The following ZFAND3 variants were observed in gnomAD, a reference collection of about 807,000 sequenced individuals.
ZFAND3 encodes the protein zinc finger AN1-type containing 3, also known as AN1-type zinc finger protein 3.
Under a neutral mutation model 29.6 loss-of-function variants are expected in ZFAND3, and 10 were observed. The ratio of observed to expected loss-of-function variants is 0.34; its 90% CI spans 0.21 to 0.57. The LOEUF (loss-of-function observed/expected upper bound fraction) is 0.57, where lower values mean the gene tolerates loss of function less well. Ranked by LOEUF, ZFAND3 falls within the 20% of genes least tolerant of loss-of-function variation. The probability of loss-of-function intolerance (pLI) is 0.86; values close to 1 mark genes in which losing one functional copy is unlikely to be tolerated. For synonymous variants in ZFAND3, 128 were observed against 112.6 expected, an observed-to-expected ratio of 1.14 and a Z score of -0.87; for missense variants, 230 against 304.5, an observed-to-expected ratio of 0.76 and a Z score of 1.82.
intron 2 of ZFAND3, among the ~76,000 whole-genome samples, chr6:37,942,081 G>A: frequency 6.6e-6 from 1 of 152,052 alleles, no homozygotes; most frequent in Admixed American, 6.6e-5. Context: ...CAAACTGAAT[G>A]TAATGGGCTG....
chr6:38,055,858 C>T (rs1184205985), intron 2 of ZFAND3, among the ~76,000 whole-genome samples: 1 of 152,190 alleles, frequency 6.6e-6, no homozygotes, highest in Non-Finnish European at 1.5e-5. Context: ...TTGATAAATA[C>T]TTTTAAATGT....
chr6:38,074,076 C>T (rs953237710), intron 3 of ZFAND3, among the ~76,000 whole-genome samples: 1 of 152,078 alleles, frequency 6.6e-6, no homozygotes, highest in African/African-American at 2.4e-5. Context: ...TTATATTAAC[C>T]TTTAGGTTCA....
At position 38,096,611 on chromosome 6, in the gene ZFAND3, CTT is replaced by C. The variant is rs1333598547; in HGVS notation, c.361+14157_361+14158del. ...GATGCCCTTCTTCAGCGCTGGAACTCTTTTATTTTCCCCTATCAACTTTGTGG... is the reference window on the plus strand; with the variant it reads ...GATGCCCTTCTTCAGCGCTGGAACTCTTATTTTCCCCTATCAACTTTGTGG... On this transcript the variant is annotated intron_variant, in intron 4 of 5. Coordinates refer to ENST00000287218, the MANE Select transcript of ZFAND3 (RefSeq NM_021943.3). Among the ~76,000 whole-genome samples the C allele has an allele frequency of 3.9e-5, 6 of 152,284 alleles. No homozygotes were observed. The South Asian group carries it at 6.2e-4, about 16-fold the overall frequency.
chr6:37,924,387 GT>G (rs1226064665), intron 1 of ZFAND3, among the ~76,000 whole-genome samples: 1 of 150,608 alleles, frequency 6.6e-6, no homozygotes, highest in African/African-American at 2.4e-5. Context: ...CATTTATTGG[GT>G]ACCTGTTAAA....
Position 37,958,218 on chromosome 6 carries a change from C to A in ZFAND3, c.112+28219C>A, listed in dbSNP as rs974885496. On this transcript the variant is annotated intron_variant, in intron 2 of 5. Coordinates refer to ENST00000287218, the MANE Select transcript of ZFAND3 (RefSeq NM_021943.3). ...CCTGTAATGCCAGCACTTTGGGAGA[C>A]CAAGGTGGGCAGATCACCTGAGGTC... is the stretch of plus-strand genomic sequence containing the variant. 4.6e-5 allele frequency among the ~76,000 whole-genome samples: 7 copies of A among 152,258 alleles called. No individual in the cohort carries two copies. In the East Asian group the frequency reaches 1.3e-3, roughly 29 times the overall value.
chr6:38,110,624 A>G (rs887597553), intron 4 of ZFAND3, among the ~76,000 whole-genome samples: 16 of 152,232 alleles, frequency 1.1e-4, no homozygotes, highest in African/African-American at 3.9e-4. Context: ...GGGATCATAA[A>G]TGTCAATCTG....
At position 38,152,715 on chromosome 6, in the gene ZFAND3, G is replaced by T. The variant is rs1413141259; in HGVS notation, c.*326G>T. 3 of 1,045,108 alleles carry T rather than the reference G, an allele frequency of 2.9e-6. No individual in the cohort carries two copies. The African/African-American group carries it at 5.0e-5, about 18-fold the overall frequency. 64.7% of individuals were successfully genotyped at this position (1,045,108 alleles called of 1,614,324 possible). The stretch of plus-strand genomic sequence containing the variant: ...ACTTATAAAAAGCCTTAAGTGGAAA[G>T]TGTTCCAGACGGAGACTCTGAGTTA... On this transcript the variant is annotated 3_prime_UTR_variant, in exon 6 of 6. Transcript: ENST00000287218.
At chr6:38,033,644 A>G (rs1042934137) in intron 2 of ZFAND3, among the ~76,000 whole-genome samples, 1 of 152,222 alleles carries the variant, frequency 6.6e-6, no homozygotes, top group African/African-American at 2.4e-5. Context: ...TTTACATGCC[A>G]ATCCACAGTT....
intron 1 of ZFAND3, among the ~76,000 whole-genome samples, chr6:37,878,588 G>T (rs961037665): frequency 6.6e-6 from 1 of 152,216 alleles, no homozygotes; most frequent in Non-Finnish European, 1.5e-5. Context: ...GGGCTGAGCA[G>T]CTGGGGAGTC....
At chr6:38,088,082 T>C (rs1764792712) in intron 4 of ZFAND3, among the ~76,000 whole-genome samples, 1 of 152,204 alleles carries the variant, frequency 6.6e-6, no homozygotes. Context: ...GTAGAGTCAA[T>C]ATTCATGGAA....
intron 5 of ZFAND3, among the ~76,000 whole-genome samples, chr6:38,134,631 A>G (rs917659739): frequency 3.9e-5 from 6 of 152,294 alleles, no homozygotes; most frequent in Admixed American, 1.3e-4. Context: ...TGAGATTTCT[A>G]TAGCACCTTT....
At chr6:37,942,172 G>T (rs1322927414) in intron 2 of ZFAND3, among the ~76,000 whole-genome samples, 1 of 151,962 alleles carries the variant, frequency 6.6e-6, no homozygotes, top group Non-Finnish European at 1.5e-5. Context: ...ATAAAACATG[G>T]CACCTCTGAA....
chr6:37,901,848 G>A (rs1290515870), intron 1 of ZFAND3, among the ~76,000 whole-genome samples: 1 of 152,190 alleles, frequency 6.6e-6, no homozygotes, highest in East Asian at 1.9e-4. Context: ...GGATTCACAG[G>A]TGCTTAGGTT....
chr6:38,000,658 A>G (rs1230174899), intron 2 of ZFAND3, among the ~76,000 whole-genome samples: 1 of 152,304 alleles, frequency 6.6e-6, no homozygotes, highest in African/African-American at 2.4e-5. Context: ...TGTCCCTCCC[A>G]TGACACGTAG....
chr6:38,149,595 A>G (rs1342567253), intron 5 of ZFAND3, among the ~76,000 whole-genome samples: 1 of 152,040 alleles, frequency 6.6e-6, no homozygotes, highest in Non-Finnish European at 1.5e-5. Context: ...CAGGGTAGCT[A>G]CTGTGGGTGT....
chr6:37,874,538 T>C (rs980341276), intron 1 of ZFAND3, among the ~76,000 whole-genome samples: 2 of 116,066 alleles, frequency 1.7e-5, no homozygotes, highest in Non-Finnish European at 3.7e-5. Flanking sequence ...AAAAAAAAAA[T>C]TCCCTTTTTT....
intron 3 of ZFAND3, among the ~76,000 whole-genome samples, chr6:38,073,012 C>T (rs1236325919): frequency 6.6e-6 from 1 of 152,180 alleles, no homozygotes; most frequent in South Asian, 2.1e-4. Context: ...ACAGTGTTCA[C>T]TTCTGCCTGT....
At chr6:37,908,625 C>A (rs1477676266) in intron 1 of ZFAND3, among the ~76,000 whole-genome samples, 1 of 150,724 alleles carries the variant, frequency 6.6e-6, no homozygotes, top group African/African-American at 2.4e-5. Context: ...TGGAGAGTGG[C>A]CCACTCAGGA....
chr6:38,068,097 C>G (rs1764380922), intron 3 of ZFAND3, among the ~76,000 whole-genome samples: 1 of 152,156 alleles, frequency 6.6e-6, no homozygotes, highest in African/African-American at 2.4e-5. Flanking sequence ...ACAAAACAGT[C>G]TTCTAAGCTC....
Sources: allele counts gnomAD v4.1 joint callset (sites outside exome capture counted in the v4.1 genomes callset), GRCh38; gene constraint gnomAD v4.1.1; transcripts MANE v1.5; gene names NCBI Gene and HGNC (gene_info 2026-07-23, HGNC 2026-07-21).